The following RGSL1 variants were observed in gnomAD, a reference collection of about 807,000 sequenced individuals.
RGSL1 encodes the protein regulator of G protein signaling protein-like.
RGSL1 carries 97 observed loss-of-function variants against 124.7 expected under a neutral mutation model. The observed-to-expected ratio is 0.78, with a 90% confidence interval of 0.66 to 0.92. The LOEUF (loss-of-function observed/expected upper bound fraction) is 0.92, where lower values mean the gene tolerates loss of function less well. RGSL1 is among the 40% of genes least tolerant of loss of function. RGSL1 has a pLI of 0.00. For synonymous variants in RGSL1, 424 were observed against 438.1 expected (o/e 0.97, Z 0.40); for missense variants, 1,233 against 1,288.4 (o/e 0.96, Z 0.66).
At position 182,548,808 on chromosome 1, in the gene RGSL1, A is replaced by G; in HGVS notation, c.2917A>G (p.Met973Val). 1 of 1,551,546 alleles carries G rather than the reference A, an allele frequency of 6.4e-7. No homozygotes were observed. The highest frequency in any genetic ancestry group is 8.7e-7 in the Non-Finnish European group (1 of 1,146,946). The change falls in exon 17 of 22, where the codon ATG (methionine) becomes GTG (valine). Residue 973 changes from methionine (M) to valine (V), a missense_variant. Met to Val is a conservative substitution (Grantham distance 21). Transcript: ENST00000294854. ...GAIMSVFPVV[M>V]YFWKRFCFWK... Reference sequence around the variant, plus strand: ...TATCATGTCTGTCTTCCCCGTTGTTATGTACTTCTGGAAAAGGTAACTGTT... The same window carrying G: ...TATCATGTCTGTCTTCCCCGTTGTTGTGTACTTCTGGAAAAGGTAACTGTT...
intron 15 of RGSL1, among the ~76,000 whole-genome samples, chr1:182,547,294 G>A (rs1660272412): frequency 6.6e-6 from 1 of 152,140 alleles, no homozygotes; most frequent in South Asian, 2.1e-4. Flanking sequence ...TAAGTCCTCA[G>A]GTATGGTTTC....
At chr1:182,480,738 G>A (rs1654643366) in intron 6 of RGSL1, among the ~76,000 whole-genome samples, 1 of 152,120 alleles carries the variant, frequency 6.6e-6, no homozygotes, top group East Asian at 1.9e-4. Flanking sequence ...TTACAGGCGT[G>A]AGCCACCACG....
At chr1:182,516,528 C>T (rs1030437077) in intron 9 of RGSL1, among the ~76,000 whole-genome samples, 143 of 152,032 alleles carry the variant, frequency 9.4e-4, no homozygotes, top group African/African-American at 3.4e-3. Flanking sequence ...TTCTTTTTTC[C>T]TACTGTCTTT....
At chr1:182,454,268 C>T (rs898787604) in intron 2 of RGSL1, among the ~76,000 whole-genome samples, 2 of 152,184 alleles carry the variant, frequency 1.3e-5, no homozygotes, top group Non-Finnish European at 2.9e-5. Context: ...AATCCCCAGC[C>T]TCCTTACTTG....
At chr1:182,458,199 A>G (rs773152399) in intron 2 of RGSL1, 120 bp from the exon 3 acceptor site, 2 of 668,666 alleles carry the variant, frequency 3.0e-6, no homozygotes, top group African/African-American at 1.8e-5. Context: ...TTTAAGAATT[A>G]GTGTCCCTTG....
chr1:182,533,301 T>TC (rs1659314029), intron 14 of RGSL1, among the ~76,000 whole-genome samples: 1 of 150,764 alleles, frequency 6.6e-6, no homozygotes, highest in African/African-American at 2.5e-5. Flanking sequence ...TGCTTCTTTT[T>TC]TTTTTTTTTT....
chr1:182,548,771 C>G lies in RGSL1; in HGVS notation c.2880C>G (p.Val960=), dbSNP rs1191876214. The change falls in exon 17 of 22, where the codon GTC becomes GTG. Residue 960 remains valine (V), a synonymous_variant. Coordinates refer to ENST00000294854, the MANE Select transcript of RGSL1 (RefSeq NM_001137669.2). The stretch of plus-strand genomic sequence containing the variant: ...CAGAGGGCTACCTAGATCGGAGCGT[C>G]TTCCATGGGGCTATCATGTCTGTCT... ...AITEGYLDRS[V]FHGAIMSVFP... 2 of 1,551,596 alleles carry G rather than the reference C, an allele frequency of 1.3e-6. No homozygotes were observed. Among genetic ancestry groups the G allele is most frequent in the African/African-American group, 2.7e-5 (2 of 73,046 alleles).
intron 3 of RGSL1, among the ~76,000 whole-genome samples, chr1:182,459,740 G>T (rs775532331): frequency 1.3e-5 from 2 of 152,118 alleles, no homozygotes; most frequent in Non-Finnish European, 1.5e-5. Context: ...TTCACTCAGG[G>T]ATAAGAAAGA....
intron 6 of RGSL1, among the ~76,000 whole-genome samples, chr1:182,476,050 C>T (rs1310960525): frequency 6.6e-6 from 1 of 152,144 alleles, no homozygotes; most frequent in Non-Finnish European, 1.5e-5. Context: ...GGATCAGAAT[C>T]CTGGAGTTTT....
intron 14 of RGSL1, among the ~76,000 whole-genome samples, chr1:182,535,958 G>A (rs1453704703): frequency 6.6e-6 from 1 of 151,926 alleles, no homozygotes; most frequent in Non-Finnish European, 1.5e-5. Flanking sequence ...CTACTCTCTG[G>A]TCTGGCAACA....
intron 9 of RGSL1, among the ~76,000 whole-genome samples, 166 bp downstream of exon 9, chr1:182,493,295 C>T (rs867061760): frequency 2.0e-5 from 3 of 151,932 alleles, no homozygotes; most frequent in African/African-American, 4.8e-5. Flanking sequence ...TTTTCTCCTA[C>T]GAAACCACAG....
At chr1:182,449,293 T>C (rs555540849), upstream of RGSL1, 1 of 152,348 alleles carries the variant, frequency 6.6e-6, no homozygotes, top group African/African-American at 2.4e-5. Flanking sequence ...ACAGCACTTT[T>C]TCAAATGTAA....
At chr1:182,490,915 CTT>C (rs10676767) in intron 8 of RGSL1, among the ~76,000 whole-genome samples, 6 of 129,022 alleles carry the variant, frequency 4.7e-5, no homozygotes, top group South Asian at 2.5e-4. Flanking sequence ...AGAACATTAT[CTT>C]TTTTTTTTTT....
intron 4 of RGSL1, among the ~76,000 whole-genome samples, chr1:182,463,574 C>T (rs958353872): frequency 1.3e-5 from 2 of 152,122 alleles, no homozygotes; most frequent in Non-Finnish European, 2.9e-5. Context: ...TCTTCCCTCC[C>T]CTTCCAAAAT....
chr1:182,545,711 G>C (rs10911088), intron 15 of RGSL1, among the ~76,000 whole-genome samples: 11 of 151,438 alleles, frequency 7.3e-5, no homozygotes, highest in African/African-American at 2.7e-4. Context: ...TTTTGTTTTG[G>C]TTTGGTTTTT....
chr1:182,471,353 T>A (rs1653822513), intron 4 of RGSL1: 1 of 457,408 alleles, frequency 2.2e-6, no homozygotes, highest in Admixed American at 2.4e-5. Flanking sequence ...CAGAGGGATG[T>A]GGCGCTTCTA....
At chr1:182,455,883 T>G (rs1488136150) in intron 2 of RGSL1, among the ~76,000 whole-genome samples, 3 of 152,140 alleles carry the variant, frequency 2.0e-5, no homozygotes, top group Non-Finnish European at 4.4e-5. Flanking sequence ...GGATTTGAAG[T>G]AAAGGAGTAA....
intron 15 of RGSL1, among the ~76,000 whole-genome samples, chr1:182,545,058 A>G (rs4652728): frequency 0.51 from 76,460 of 151,390 alleles, 19,706 homozygotes; most frequent in Non-Finnish European, 0.56. Flanking sequence ...TTGTTTTTGA[A>G]CTCCTCTCTT....
intron 6 of RGSL1, among the ~76,000 whole-genome samples, chr1:182,475,357 T>C (rs1654207774): frequency 6.6e-6 from 1 of 152,062 alleles, no homozygotes; most frequent in Non-Finnish European, 1.5e-5. Context: ...TATCATCAAG[T>C]TCTTAGCAGA....
Sources: allele counts gnomAD v4.1 joint callset (sites outside exome capture counted in the v4.1 genomes callset), GRCh38; gene constraint gnomAD v4.1.1; transcripts MANE v1.5; gene names NCBI Gene and HGNC (gene_info 2026-07-23, HGNC 2026-07-21).